Variants in PCDH15 observed in about 807,000 individuals in gnomAD.
PCDH15 encodes protocadherin related 15.
In PCDH15, 129 loss-of-function variants were observed where a neutral mutation model predicts 178.5. The ratio of observed to expected loss-of-function variants is 0.72; its 90% CI spans 0.63 to 0.84. PCDH15 has a LOEUF of 0.84. PCDH15 is among the 40% of genes least tolerant of loss of function. PCDH15 has a pLI of 0.00. For missense variants in PCDH15, 2,230 were observed against 2,099.9 expected, an observed-to-expected ratio of 1.06 and a Z score of -1.21; for synonymous variants, 800 against 732.0, an observed-to-expected ratio of 1.09 and a Z score of -1.50.
intron 26 of PCDH15, among the ~76,000 whole-genome samples, chr10:53,868,732 T>C (rs1364669253): frequency 6.6e-6 from 1 of 152,244 alleles, no homozygotes; most frequent in East Asian, 1.9e-4. Flanking sequence ...CGTTTCCAGA[T>C]AATCATATCT....
At chr10:54,401,156 C>T (rs1565180246) in intron 3 of PCDH15, among the ~76,000 whole-genome samples, 1 of 151,948 alleles carries the variant, frequency 6.6e-6, no homozygotes, top group Non-Finnish European at 1.5e-5. Context: ...AGATTCCTTT[C>T]ACCTCTACAC....
chr10:54,937,240 T>C (rs562895109), intron 2 of PCDH15, among the ~76,000 whole-genome samples: 1 of 151,922 alleles, frequency 6.6e-6, no homozygotes, highest in Non-Finnish European at 1.5e-5. Flanking sequence ...AATTGGAAAA[T>C]GTAAGTCCTT....
At chr10:55,574,626 C>T (rs1204780430) in intron 2 of PCDH15, among the ~76,000 whole-genome samples, 1 of 151,938 alleles carries the variant, frequency 6.6e-6, no homozygotes, top group Non-Finnish European at 1.5e-5. Flanking sequence ...TCAAGTCACA[C>T]CTTAGTTTCA....
chr10:54,378,755 CA>C (rs1348635897), intron 4 of PCDH15, 26 bp downstream of exon 4: 1 of 1,609,078 alleles, frequency 6.2e-7, no homozygotes, highest in Non-Finnish European at 8.5e-7. Flanking sequence ...ACTTATATTA[CA>C]GGGGCAAAGA....
intron 1 of PCDH15, among the ~76,000 whole-genome samples, chr10:54,757,929 C>T (rs897430398): frequency 2.0e-5 from 3 of 152,174 alleles, no homozygotes; most frequent in Non-Finnish European, 4.4e-5. Flanking sequence ...TCTCTGAATA[C>T]AGCCATGCCT....
At chr10:55,493,229 C>T (rs1840459663) in intron 2 of PCDH15, among the ~76,000 whole-genome samples, 1 of 151,244 alleles carries the variant, frequency 6.6e-6, no homozygotes. Context: ...CACAGACCCA[C>T]ACTCAGATAC....
At chr10:54,507,294 C>A (rs1250191321) in intron 3 of PCDH15, among the ~76,000 whole-genome samples, 1 of 151,208 alleles carries the variant, frequency 6.6e-6, no homozygotes, top group Admixed American at 6.6e-5. Flanking sequence ...TTTATTCCTG[C>A]ATAGAGTATT....
intron 2 of PCDH15, among the ~76,000 whole-genome samples, chr10:55,098,105 C>T (rs1018347891): frequency 6.6e-6 from 1 of 152,148 alleles, no homozygotes; most frequent in African/African-American, 2.4e-5. Flanking sequence ...ATACTGATAT[C>T]ATTTCTGCAT....
chr10:55,467,373 C>CTTTTTTTTT lies in PCDH15; in HGVS notation c.-156+160243_-156+160251dup, dbSNP rs59787759. On this transcript the variant is annotated intron_variant, in intron 2 of 5. Coordinates refer to the PCDH15 transcript ENST00000613346. ...AAAGAAAAGCCTGATCTTGGCCTGA[C>CTTTTTTTTT]TTTTTTTTTTTTTTTTTTTTAACTA... 2.3e-5 allele frequency among the ~76,000 whole-genome samples: 2 copies of CTTTTTTTTT among 87,770 alleles called. 1 individual carries two copies. The allele number at this position is 87,770 out of a possible 152,430, so 57.6% of individuals were successfully genotyped here.
intron 3 of PCDH15, among the ~76,000 whole-genome samples, chr10:54,454,228 A>G (rs2076669207): frequency 6.7e-6 from 1 of 149,480 alleles, no homozygotes; most frequent in Non-Finnish European, 1.5e-5. Flanking sequence ...TAGGCTCTCA[A>G]TAAGGCAAAT....
At chr10:55,341,509 T>A (rs1169549422) in intron 2 of PCDH15, among the ~76,000 whole-genome samples, 1 of 151,098 alleles carries the variant, frequency 6.6e-6, no homozygotes, top group African/African-American at 2.4e-5. Flanking sequence ...CAACTTTGTA[T>A]CAATTTCCAA....
chr10:54,231,336 C>G (rs748975991), intron 9 of PCDH15, among the ~76,000 whole-genome samples: 3 of 152,206 alleles, frequency 2.0e-5, no homozygotes, highest in African/African-American at 7.2e-5. Context: ...GATGTTAAAC[C>G]TGTGGACACA....
intron 3 of PCDH15, among the ~76,000 whole-genome samples, chr10:54,491,607 G>A (rs933232312): frequency 6.6e-6 from 1 of 151,970 alleles, no homozygotes; most frequent in South Asian, 2.1e-4. Flanking sequence ...GAAAGCAGTG[G>A]GGACAATTTC....
intron 2 of PCDH15, among the ~76,000 whole-genome samples, chr10:55,583,153 T>C (rs1239959266): frequency 1.3e-5 from 2 of 152,174 alleles, no homozygotes; most frequent in African/African-American, 4.8e-5. Context: ...AATGGAATTA[T>C]AAAAATTTAA....
chr10:55,289,831 A>G (rs558398543), intron 1 of PCDH15, among the ~76,000 whole-genome samples: 1 of 152,240 alleles, frequency 6.6e-6, no homozygotes, highest in South Asian at 2.1e-4. Context: ...GAATGGATTA[A>G]TATCATCATC....
chr10:54,661,247 G>A (rs950954298), intron 2 of PCDH15, among the ~76,000 whole-genome samples: 2 of 151,758 alleles, frequency 1.3e-5, no homozygotes, highest in South Asian at 2.1e-4. Context: ...TACATAGATC[G>A]ACAACACTCA....
intron 2 of PCDH15, among the ~76,000 whole-genome samples, chr10:55,020,648 G>A (rs1222934691): frequency 6.6e-6 from 1 of 152,054 alleles, no homozygotes; most frequent in Non-Finnish European, 1.5e-5. Flanking sequence ...AGTCAAGCTG[G>A]GAACTGGGTC....
chr10:55,307,127 A>G (rs1384595266), intron 1 of PCDH15, among the ~76,000 whole-genome samples: 2 of 151,956 alleles, frequency 1.3e-5, no homozygotes, highest in East Asian at 1.9e-4. Flanking sequence ...TATAACTTTT[A>G]TATTCTTATT....
At chr10:55,446,895 A>T (rs2132076365) in intron 2 of PCDH15, among the ~76,000 whole-genome samples, 1 of 152,202 alleles carries the variant, frequency 6.6e-6, no homozygotes, top group African/African-American at 2.4e-5. Flanking sequence ...CCACAGTAAG[A>T]AGCAGAAAAG....
Sources: allele counts gnomAD v4.1 joint callset (sites outside exome capture counted in the v4.1 genomes callset), GRCh38; gene constraint gnomAD v4.1.1; transcripts MANE v1.5; gene names NCBI Gene and HGNC (gene_info 2026-07-23, HGNC 2026-07-21).